PSMD13: variants seen among roughly 807,000 people sequenced by gnomAD.
PSMD13 encodes proteasome 26S subunit, non-ATPase 13, also known as 26S proteasome non-ATPase regulatory subunit 13.
A neutral mutation model predicts 57.4 loss-of-function variants in PSMD13; 8 were observed. The observed-to-expected ratio is 0.14, with a 90% CI of 0.08 to 0.25. The LOEUF is 0.25. Ranked by LOEUF, PSMD13 falls within the 10% of genes least tolerant of loss-of-function variation. The pLI is 1.00. For missense variants in PSMD13, 400 were observed against 461.5 expected (o/e 0.87, Z 1.22); for synonymous variants, 193 against 168.2 (o/e 1.15, Z -1.14).
chr11:247,677 C>T (rs1344312328), intron 7 of PSMD13: 5 of 363,836 alleles, frequency 1.4e-5, no homozygotes, highest in African/African-American at 2.1e-5. Context: ...ACTAAAAATA[C>T]AAAAAACTAG....
At chr11:239,393 C>A (rs563354702) in intron 2 of PSMD13, among the ~76,000 whole-genome samples, 36 of 152,340 alleles carry the variant, frequency 2.4e-4, no homozygotes, top group African/African-American at 8.4e-4. Flanking sequence ...TATTATCTTA[C>A]AACATGCCTA....
chr11:238,847 T>G, intron 1 of PSMD13, 151 bp from the exon 2 acceptor site: 1 of 731,052 alleles, frequency 1.4e-6, no homozygotes, highest in Non-Finnish European at 2.4e-6. Flanking sequence ...CTCAAAAAGT[T>G]TTGGATTTTG....
At chr11:237,976 A>G (rs1047017919) in intron 1 of PSMD13, among the ~76,000 whole-genome samples, 1 of 152,238 alleles carries the variant, frequency 6.6e-6, no homozygotes, top group African/African-American at 2.4e-5. Flanking sequence ...GATGTTTAGC[A>G]TTCAGCAGCC....
intron 2 of PSMD13, among the ~76,000 whole-genome samples, chr11:240,230 G>A (rs915689638): frequency 6.8e-6 from 1 of 147,028 alleles, no homozygotes; most frequent in South Asian, 2.2e-4. Context: ...CTGCCTCAGC[G>A]TCCCAAGTAG....
At chr11:237,730 C>T (rs554845733) in intron 1 of PSMD13, among the ~76,000 whole-genome samples, 1 of 152,334 alleles carries the variant, frequency 6.6e-6, no homozygotes, top group South Asian at 2.1e-4. Context: ...TTGTATTTCT[C>T]ATGGGCTTTC....
At chr11:246,447 G>T (rs1859649453) in intron 6 of PSMD13, among the ~76,000 whole-genome samples, 1 of 151,068 alleles carries the variant, frequency 6.6e-6, no homozygotes, top group African/African-American at 2.4e-5. Context: ...GTTGCAGTGA[G>T]CCGAGATCGC....
intron 6 of PSMD13, among the ~76,000 whole-genome samples, chr11:246,099 G>A (rs959794876): frequency 6.6e-6 from 1 of 152,084 alleles, no homozygotes; most frequent in African/African-American, 2.4e-5. Context: ...TTTAACATTG[G>A]CTCAATACTA....
intron 9 of PSMD13, among the ~76,000 whole-genome samples, chr11:250,533 T>G (rs1275176154): frequency 2.0e-5 from 3 of 152,196 alleles, no homozygotes; most frequent in Middle Eastern, 3.2e-3. Flanking sequence ...TGCCTAATGG[T>G]GTCTGTAGCA....
rs1859759767 is a variant in PSMD13, at chr11:251,232, G to C, written c.838-314G>C. 2 of 446,986 alleles carry C rather than the reference G, an allele frequency of 4.5e-6. No individual in the cohort carries two copies. Among genetic ancestry groups the C allele is most frequent in the South Asian group, 2.8e-5 (1 of 35,930 alleles). The allele number at this position is 446,986 out of a possible 1,614,324, so 27.7% of individuals were successfully genotyped here. A position where few individuals can be genotyped will look rare whatever the true frequency, so the allele number is the denominator to read the frequency against. On this transcript the variant is annotated intron_variant, in intron 10 of 12. Transcript: ENST00000532097. The surrounding 1 kb of genome is among the most constrained non-coding windows in gnomAD (Gnocchi z 4.6). ...ACTAGAACTTAAGCTTCGTCAGGAAGTGGCCCTTAGATTTCTGGTTTGCCG... is the reference window on the plus strand; with the variant it reads ...ACTAGAACTTAAGCTTCGTCAGGAACTGGCCCTTAGATTTCTGGTTTGCCG...
chr11:251,318 A>C lies in PSMD13; in HGVS notation c.838-228A>C, dbSNP rs1201414689. 1.1e-5 allele frequency: 6 copies of C among 543,298 alleles called. No individual in the cohort carries two copies. The highest frequency in any genetic ancestry group is 1.9e-5 in the Non-Finnish European group (6 of 308,184). 33.7% of individuals were successfully genotyped at this position (543,298 alleles called of 1,614,324 possible). On this transcript the variant is annotated intron_variant, in intron 10 of 12. Transcript: ENST00000532097. The surrounding 1 kb of genome is among the most constrained non-coding windows in gnomAD (Gnocchi z 4.6). ...TCAAGTACTTGTTCGGGGATTGAAC[A>C]ATGGCTACTGTCAGAAACTCCTGTA... is the stretch of plus-strand genomic sequence containing the variant.
At position 239,123 on chromosome 11, in the gene PSMD13, G is replaced by A. The variant is rs192032843; in HGVS notation, c.174+47G>A. On this transcript the variant is annotated intron_variant, in intron 2 of 12. Coordinates refer to ENST00000532097, the MANE Select transcript of PSMD13 (RefSeq NM_002817.4). ...ATTAGATTATATGAATGTGCTCAAGGACTTTTGAAAATAAGATAGGCTTTA... is the reference window on the plus strand; with the variant it reads ...ATTAGATTATATGAATGTGCTCAAGAACTTTTGAAAATAAGATAGGCTTTA... 3 of 1,503,024 alleles carry A rather than the reference G, an allele frequency of 2.0e-6. No homozygotes were observed. In the South Asian group the frequency reaches 3.4e-5, roughly 17 times the overall value. 93.1% of individuals were successfully genotyped at this position (1,503,024 alleles called of 1,614,324 possible).
chr11:249,463 C>T (rs1394506142), intron 9 of PSMD13, among the ~76,000 whole-genome samples: 1 of 151,420 alleles, frequency 6.6e-6, no homozygotes, highest in East Asian at 1.9e-4. Flanking sequence ...ATGTGTGAGG[C>T]TAACATGAGT....
At position 237,030 on chromosome 11, in the gene PSMD13, C is replaced by T. The variant is rs12293349; in HGVS notation, c.-20C>T. 0.011 allele frequency: 17,347 copies of T among 1,593,610 alleles called. 130 individuals are homozygous for T. The highest frequency in any genetic ancestry group is 0.013 in the Non-Finnish European group (15,300 of 1,161,844). On this transcript the variant is annotated 5_prime_UTR_variant, in exon 1 of 13. Coordinates refer to ENST00000532097, the MANE Select transcript of PSMD13 (RefSeq NM_002817.4). The stretch of plus-strand genomic sequence containing the variant: ...CTGACATCCCGGTTGTTCTTCTGTG[C>T]CGGGGGTCTTCCTGCTGTCATGAAG...
chr11:249,261 AGG>A (rs1413145524), intron 9 of PSMD13, among the ~76,000 whole-genome samples: 2 of 152,118 alleles, frequency 1.3e-5, no homozygotes, highest in Admixed American at 1.3e-4. Flanking sequence ...ACAAAGAGTG[AGG>A]GTGTTCTGAG....
Position 251,555 on chromosome 11 carries a change from A to T in PSMD13, c.847A>T (p.Thr283Ser). The T allele has an allele frequency of 6.2e-7, 1 of 1,613,416 alleles. No homozygotes were observed. ...QLLCLMEMTF[T>S]RPANHRQLTF... is the part of the protein sequence containing the mutation. ...ATAAAATTTTTTCCAGATGACTTTC[A>T]CACGACCTGCCAATCACAGACAACT... The change falls in exon 11 of 13, where the codon ACA (threonine) becomes TCA (serine). Residue 283 changes from threonine to serine, a missense_variant. Coordinates refer to ENST00000532097, the MANE Select transcript of PSMD13 (RefSeq NM_002817.4). This position sits in a 1 kb window ranked among gnomAD's most constrained non-coding sequence, Gnocchi z 4.6.
chr11:243,442 T>G (rs1309253477), intron 2 of PSMD13: 1 of 296,364 alleles, frequency 3.4e-6, no homozygotes, highest in Non-Finnish European at 6.8e-6. Context: ...CCTTCCACAA[T>G]GGTCTTATTA....
chr11:251,706 T>C lies in PSMD13; in HGVS notation c.918+80T>C. On this transcript the variant is annotated intron_variant, in intron 11 of 12. Transcript: ENST00000532097. The surrounding 1 kb of genome is among the most constrained non-coding windows in gnomAD (Gnocchi z 4.6). Reference sequence around the variant, plus strand: ...CAAGGCTCTTGTGTGAGCGCTGTGCTCCCTAGACAGTAAAAAATGACGGGA... The same window carrying C: ...CAAGGCTCTTGTGTGAGCGCTGTGCCCCCTAGACAGTAAAAAATGACGGGA... 2.0e-6 allele frequency: 3 copies of C among 1,532,964 alleles called. No homozygotes were observed. In the South Asian group the frequency reaches 3.4e-5, roughly 17 times the overall value. The allele number at this position is 1,532,964 out of a possible 1,614,324, so 95.0% of individuals were successfully genotyped here. A position where few individuals can be genotyped will look rare whatever the true frequency, so the allele number is the denominator to read the frequency against.
intron 2 of PSMD13, among the ~76,000 whole-genome samples, chr11:239,912 T>G (rs1859477442): frequency 6.6e-6 from 1 of 152,044 alleles, no homozygotes; most frequent in South Asian, 2.1e-4. Flanking sequence ...ATACATTACT[T>G]TTATATGCTC....
At chr11:250,464 C>T in intron 9 of PSMD13, among the ~76,000 whole-genome samples, 1 of 152,196 alleles carries the variant, frequency 6.6e-6, no homozygotes, top group East Asian at 1.9e-4. Flanking sequence ...TAGGGTGTAT[C>T]CTTCCCAACA....
Sources: allele counts gnomAD v4.1 joint callset (sites outside exome capture counted in the v4.1 genomes callset), GRCh38; gene constraint gnomAD v4.1.1; non-coding constraint Gnocchi (gnomAD v3.1); transcripts MANE v1.5; gene names NCBI Gene and HGNC (gene_info 2026-07-23, HGNC 2026-07-21).